MAGI2: variants seen among roughly 807,000 people sequenced by gnomAD.
MAGI2 encodes the protein membrane associated guanylate kinase, WW and PDZ domain containing 2, also known as membrane-associated guanylate kinase, WW and PDZ domain-containing protein 2.
Under a neutral mutation model 133.3 loss-of-function variants are expected in MAGI2, and 35 were observed. The ratio of observed to expected loss-of-function variants is 0.26; its 90% CI spans 0.20 to 0.35. The LOEUF is 0.35. Ranked by LOEUF, MAGI2 falls within the 10% of genes least tolerant of loss-of-function variation. The pLI, the probability that MAGI2 is intolerant of heterozygous loss-of-function variation, is 1.00. For missense variants in MAGI2, 1,636 were observed against 1,863.4 expected, an observed-to-expected ratio of 0.88 and a Z score of 2.25; for synonymous variants, 729 against 710.6, an observed-to-expected ratio of 1.03 and a Z score of -0.41.
intron 3 of MAGI2, among the ~76,000 whole-genome samples, chr7:78,584,112 G>A (rs556348099): frequency 5.3e-5 from 8 of 152,106 alleles, no homozygotes; most frequent in East Asian, 1.9e-4. Context: ...AGCTCAGAGC[G>A]GGAGTCAACC....
chr7:78,483,604 C>A (rs1008210400), intron 6 of MAGI2, among the ~76,000 whole-genome samples: 7 of 151,526 alleles, frequency 4.6e-5, no homozygotes, highest in Non-Finnish European at 8.8e-5. Context: ...ATCCATCCTA[C>A]CTGATTTATT....
chr7:78,336,774 AAG>A (rs1348878400), intron 9 of MAGI2, among the ~76,000 whole-genome samples: 13 of 92,134 alleles, frequency 1.4e-4, no homozygotes, highest in Non-Finnish European at 3.2e-4. Context: ...AAGCAAGAAG[AAG>A]AAGAAAAGAA....
intron 1 of MAGI2, among the ~76,000 whole-genome samples, chr7:79,100,564 C>T (rs1817889571): frequency 6.6e-6 from 1 of 151,146 alleles, no homozygotes; most frequent in Non-Finnish European, 1.5e-5. Flanking sequence ...CTTTTTAAAA[C>T]CTTAAAATTG....
chr7:79,133,591 G>A (rs574327733), intron 1 of MAGI2, among the ~76,000 whole-genome samples: 2 of 151,940 alleles, frequency 1.3e-5, no homozygotes, highest in Admixed American at 6.6e-5. Flanking sequence ...ATATCAATAT[G>A]TTCTGCAAAT....
chr7:78,808,817 T>C (rs1190198883), intron 2 of MAGI2, among the ~76,000 whole-genome samples: 1 of 152,156 alleles, frequency 6.6e-6, no homozygotes, highest in African/African-American at 2.4e-5. Flanking sequence ...GAGGCAGCCC[T>C]GCCACTGTGG....
At chr7:79,242,982 T>A (rs1832537800) in intron 1 of MAGI2, among the ~76,000 whole-genome samples, 1 of 152,040 alleles carries the variant, frequency 6.6e-6, no homozygotes, top group Non-Finnish European at 1.5e-5. Context: ...TTTGGGAGGC[T>A]GAGGTGGGTG....
intron 1 of MAGI2, among the ~76,000 whole-genome samples, chr7:79,215,304 G>T (rs1342649137): frequency 6.6e-6 from 1 of 152,016 alleles, no homozygotes; most frequent in Non-Finnish European, 1.5e-5. Flanking sequence ...TTTCTTTGAA[G>T]TATTTAAAAT....
intron 2 of MAGI2, among the ~76,000 whole-genome samples, chr7:78,955,723 C>CTTTT (rs1554310267): frequency 1.9e-4 from 16 of 83,492 alleles, no homozygotes; most frequent in African/African-American, 6.1e-4. Flanking sequence ...TTCTTTCTTT[C>CTTTT]TCTTTCTTTC....
At chr7:78,971,655 T>A (rs1003346244) in intron 2 of MAGI2, among the ~76,000 whole-genome samples, 1 of 152,136 alleles carries the variant, frequency 6.6e-6, no homozygotes, top group Admixed American at 6.6e-5. Flanking sequence ...TACTTTCAGG[T>A]CATACATTGG....
intron 21 of MAGI2, among the ~76,000 whole-genome samples, chr7:78,033,489 A>AAAG (rs1554412341): frequency 1.3e-4 from 19 of 151,196 alleles, no homozygotes; most frequent in African/African-American, 4.6e-4. Flanking sequence ...AAAAAAAAAA[A>AAAG]AAAGAAAAAA....
At chr7:78,891,019 G>C (rs984181779) in intron 2 of MAGI2, among the ~76,000 whole-genome samples, 7 of 152,028 alleles carry the variant, frequency 4.6e-5, no homozygotes, top group African/African-American at 1.7e-4. Flanking sequence ...GAATCAAATA[G>C]ATGCAATAAA....
intron 9 of MAGI2, among the ~76,000 whole-genome samples, chr7:78,294,147 C>T (rs1364423507): frequency 6.6e-6 from 1 of 152,020 alleles, no homozygotes; most frequent in Non-Finnish European, 1.5e-5. Context: ...ATTTCAATAT[C>T]ATTTTTTCAC....
intron 3 of MAGI2, among the ~76,000 whole-genome samples, chr7:78,529,265 T>C (rs1797231352): frequency 6.6e-6 from 1 of 152,186 alleles, no homozygotes; most frequent in South Asian, 2.1e-4. Flanking sequence ...ACAGGATAAA[T>C]CTTTGCTAAA....
rs1844639168 is a variant in MAGI2 at position 79,391,532 on chromosome 7, TATATAG to T, written c.301+61482_301+61487del. 1.9e-4 allele frequency among the ~76,000 whole-genome samples: 12 copies of T among 62,824 alleles called. 1 individual carries two copies. Among genetic ancestry groups the T allele is most frequent in the Non-Finnish European group, 2.0e-4 (7 of 34,308 alleles). 41.2% of individuals were successfully genotyped at this position (62,824 alleles called of 152,430 possible). On this transcript the variant is annotated intron_variant, in intron 1 of 21. Coordinates refer to ENST00000354212, the MANE Select transcript of MAGI2 (RefSeq NM_012301.4). ...ACATATATATATATATATATATATA[TATATAG>T]ACATATATATATATATATATATATA...
chr7:78,685,495 TA>T (rs1816188483), intron 2 of MAGI2, among the ~76,000 whole-genome samples: 2 of 147,032 alleles, frequency 1.4e-5, no homozygotes, highest in Non-Finnish European at 3.0e-5. Context: ...GCCCCACGAG[TA>T]AAATCCTCTA....
At chr7:79,285,316 T>C (rs1337989544) in intron 1 of MAGI2, among the ~76,000 whole-genome samples, 1 of 152,118 alleles carries the variant, frequency 6.6e-6, no homozygotes. Context: ...TTTTTAAAGT[T>C]TTTTCTGTCA....
intron 6 of MAGI2, among the ~76,000 whole-genome samples, chr7:78,418,132 C>T (rs770928159): frequency 4.7e-4 from 71 of 152,040 alleles, no homozygotes; most frequent in Non-Finnish European, 9.0e-4. Context: ...CCAGTCTGGG[C>T]GACAGAGTGA....
chr7:78,131,383 G>T (rs1821547769), intron 18 of MAGI2, among the ~76,000 whole-genome samples: 1 of 152,180 alleles, frequency 6.6e-6, no homozygotes, highest in African/African-American at 2.4e-5. Flanking sequence ...GTAGAATAAG[G>T]CTTTGTAGAA....
intron 2 of MAGI2, among the ~76,000 whole-genome samples, chr7:78,751,526 T>C (rs1823458897): frequency 6.6e-6 from 1 of 152,232 alleles, no homozygotes; most frequent in South Asian, 2.1e-4. Context: ...TACAATTTAA[T>C]GCTTCCCTAC....
Sources: allele counts gnomAD v4.1 joint callset (sites outside exome capture counted in the v4.1 genomes callset), GRCh38; gene constraint gnomAD v4.1.1; transcripts MANE v1.5; gene names NCBI Gene and HGNC (gene_info 2026-07-23, HGNC 2026-07-21).